The following RPS6KA1 variants were observed in gnomAD, a reference collection of about 807,000 sequenced individuals.
RPS6KA1 encodes ribosomal protein S6 kinase alpha-1.
In RPS6KA1, 48 loss-of-function variants were observed where a neutral mutation model predicts 91.3. The observed-to-expected ratio is 0.53, with a 90% CI of 0.42 to 0.67. RPS6KA1 has a LOEUF of 0.67. RPS6KA1 is among the 30% of genes least tolerant of loss of function. The probability of loss-of-function intolerance (pLI) is 0.00; values close to 1 mark genes in which losing one functional copy is unlikely to be tolerated. For synonymous variants in RPS6KA1, 359 were observed against 384.7 expected (o/e 0.93, Z 0.78); for missense variants, 719 against 960.5 (o/e 0.75, Z 3.32).
rs1366739976 is a variant in RPS6KA1 at position 26,551,505 on chromosome 1, C to T, written c.388+28C>T. The T allele has an allele frequency of 1.2e-6, 2 of 1,611,360 alleles. No homozygotes were observed. The highest frequency in any genetic ancestry group is 2.2e-5 in the South Asian group (2 of 91,012). On this transcript the variant is annotated intron_variant, in intron 5 of 21. Transcript: ENST00000374168. The surrounding 1 kb of genome is among the most constrained non-coding windows in gnomAD (Gnocchi z 4.5). ...AAAGCTTCTGGCCCTGCCTGAGCTC[C>T]TACCCCACCCATCCTTCGCCCTTGC...
chr1:26,565,774 C>G (rs2076195992), intron 17 of RPS6KA1, among the ~76,000 whole-genome samples: 1 of 152,092 alleles, frequency 6.6e-6, no homozygotes, highest in South Asian at 2.1e-4. Context: ...GTTGGCCAGG[C>G]TGGTCTCGAC....
chr1:26,560,866 C>G lies in RPS6KA1; in HGVS notation c.1341+15C>G. Reference sequence around the variant, plus strand: ...ATGCTGTCAAGGTGGGCCTCCTGACCACGTCTCGGCCAAGGCTGCTGGGTT... The same window carrying G: ...ATGCTGTCAAGGTGGGCCTCCTGACGACGTCTCGGCCAAGGCTGCTGGGTT... On this transcript the variant is annotated intron_variant, in intron 15 of 21. Coordinates refer to ENST00000374168, the MANE Select transcript of RPS6KA1 (RefSeq NM_002953.4). 6.2e-7 allele frequency: 1 copy of G among 1,614,090 alleles called. No individual in the cohort carries two copies. Among genetic ancestry groups the G allele is most frequent in the Non-Finnish European group, 8.5e-7 (1 of 1,180,012 alleles).
chr1:26,542,753 A>G (rs1486455529), intron 2 of RPS6KA1, among the ~76,000 whole-genome samples: 1 of 152,084 alleles, frequency 6.6e-6, no homozygotes, highest in African/African-American at 2.4e-5. Flanking sequence ...GAGGGGTGGG[A>G]CACAGTATCT....
chr1:26,571,529 CTT>C lies in RPS6KA1; in HGVS notation c.1673_1674del (p.Phe558TrpfsTer9). ...GNPECLRICD[F>X]GFAKQLRAEN... is the part of the protein sequence containing the mutation. ...ATCCCGAGTGCCTGCGCATCTGTGACTTTGGTTTTGCCAAACAGCTGCGGGCT... is the reference window on the plus strand; with the variant it reads ...ATCCCGAGTGCCTGCGCATCTGTGACTGGTTTTGCCAAACAGCTGCGGGCT... On this transcript the variant is annotated frameshift_variant, in exon 18 of 22. Transcript: ENST00000374168. LOFTEE classifies it high-confidence loss of function. The surrounding 1 kb of genome is among the most constrained non-coding windows in gnomAD (Gnocchi z 5.1). 1 of 1,614,270 alleles carries C rather than the reference CTT, an allele frequency of 6.2e-7. No homozygotes were observed. The highest frequency in any genetic ancestry group is 8.5e-7 in the Non-Finnish European group (1 of 1,180,052).
At chr1:26,536,798 C>A in intron 1 of RPS6KA1, 127 bp from the exon 2 acceptor site, 2 of 1,036,398 alleles carry the variant, frequency 1.9e-6, no homozygotes, top group Non-Finnish European at 3.0e-6. Context: ...CCACCCAGGA[C>A]TCCTGCCCTA....
chr1:26,534,881 T>G (rs1172011118), intron 1 of RPS6KA1, among the ~76,000 whole-genome samples: 1 of 152,190 alleles, frequency 6.6e-6, no homozygotes, highest in Non-Finnish European at 1.5e-5. Context: ...GAGCTGGGAC[T>G]TGATTCTACA....
chr1:26,564,961 G>A (rs1328174544), intron 17 of RPS6KA1, among the ~76,000 whole-genome samples: 1 of 152,220 alleles, frequency 6.6e-6, no homozygotes, highest in African/African-American at 2.4e-5. Context: ...TGGGTCACCT[G>A]AAGCTAAAAG....
chr1:26,565,528 G>A (rs776260220), intron 17 of RPS6KA1, among the ~76,000 whole-genome samples: 7 of 140,546 alleles, frequency 5.0e-5, no homozygotes, highest in Non-Finnish European at 4.6e-5. Flanking sequence ...TATTTTGCCC[G>A]TTTTTGAATT....
At chr1:26,556,813 C>G (rs2076105935) in intron 12 of RPS6KA1, 95 bp downstream of exon 12, 4 of 1,462,938 alleles carry the variant, frequency 2.7e-6, no homozygotes, top group Non-Finnish European at 3.8e-6. Flanking sequence ...CAGCGAGGGC[C>G]CCAGACGCAG....
intron 17 of RPS6KA1, among the ~76,000 whole-genome samples, chr1:26,563,182 AAT>A (rs1175856466): frequency 6.6e-6 from 1 of 151,424 alleles, no homozygotes; most frequent in Non-Finnish European, 1.5e-5. Context: ...GGTTTATTGA[AAT>A]TAGAATACCT....
intron 13 of RPS6KA1, among the ~76,000 whole-genome samples, chr1:26,557,861 C>T (rs963608978): frequency 2.8e-5 from 4 of 144,716 alleles, no homozygotes; most frequent in Admixed American, 2.1e-4. Flanking sequence ...TGGAGTCTCG[C>T]TCTGTTGCCC....
intron 2 of RPS6KA1, among the ~76,000 whole-genome samples, chr1:26,539,537 A>T (rs2075931077): frequency 6.6e-6 from 1 of 152,252 alleles, no homozygotes; most frequent in Non-Finnish European, 1.5e-5. Context: ...GAAAAATGAA[A>T]GGAGAATAAA....
At chr1:26,569,959 G>GT (rs1005269431) in intron 17 of RPS6KA1, among the ~76,000 whole-genome samples, 7 of 152,152 alleles carry the variant, frequency 4.6e-5, no homozygotes, top group African/African-American at 1.7e-4. Flanking sequence ...GCCTTTGAAG[G>GT]TTTTTTGACA....
intron 17 of RPS6KA1, among the ~76,000 whole-genome samples, chr1:26,564,171 T>C (rs2076178526): frequency 6.6e-6 from 1 of 152,198 alleles, no homozygotes; most frequent in South Asian, 2.1e-4. Context: ...ATCCAATCTA[T>C]GGAGGTACAC....
chr1:26,571,723 C>A lies in RPS6KA1; in HGVS notation c.1752+113C>A. On this transcript the variant is annotated intron_variant, in intron 18 of 21. Transcript: ENST00000374168. This position sits in a 1 kb window ranked among gnomAD's most constrained non-coding sequence, Gnocchi z 5.1. ...TCCAGTCTCTGTGACCTTGGCCCAG[C>A]TGGCAAGGGAAGATCTAGCCTGTGC... 1 of 1,489,224 alleles carries A rather than the reference C, an allele frequency of 6.7e-7. No homozygotes were observed. The highest frequency in any genetic ancestry group is 9.1e-7 in the Non-Finnish European group (1 of 1,098,780). 92.3% of individuals were successfully genotyped at this position (1,489,224 alleles called of 1,614,324 possible).
chr1:26,533,975 G>A (rs932226040), intron 1 of RPS6KA1, among the ~76,000 whole-genome samples: 4 of 152,078 alleles, frequency 2.6e-5, no homozygotes, highest in Non-Finnish European at 4.4e-5. Flanking sequence ...CAGGTTTGGC[G>A]TTCCATAAGA....
At chr1:26,570,048 T>A (rs1351591257) in intron 17 of RPS6KA1, among the ~76,000 whole-genome samples, 2 of 152,200 alleles carry the variant, frequency 1.3e-5, no homozygotes, top group Non-Finnish European at 2.9e-5. Flanking sequence ...TGGGATGTGT[T>A]GAGTTTGAGG....
intron 4 of RPS6KA1, among the ~76,000 whole-genome samples, chr1:26,549,004 G>A (rs1344085499): frequency 1.3e-5 from 2 of 151,226 alleles, no homozygotes; most frequent in African/African-American, 2.4e-5. Context: ...ATTGTGTCCT[G>A]AACAAGACTC....
Position 26,554,025 on chromosome 1 carries a change from G to A in RPS6KA1, c.576-189G>A. ...TACTTGCCTCACACAGTTGCTTCAA[G>A]GATTAGCAAAAAAGATAGGCAACAC... On this transcript the variant is annotated intron_variant, in intron 7 of 21. Transcript: ENST00000374168. This position sits in a 1 kb window ranked among gnomAD's most constrained non-coding sequence, Gnocchi z 4.6. The A allele has an allele frequency of 1.7e-6, 1 of 571,978 alleles. No homozygotes were observed. Among genetic ancestry groups the A allele is most frequent in the Non-Finnish European group, 3.1e-6 (1 of 321,922 alleles). 35.4% of individuals were successfully genotyped at this position (571,978 alleles called of 1,614,324 possible).
Sources: allele counts gnomAD v4.1 joint callset (sites outside exome capture counted in the v4.1 genomes callset), GRCh38; gene constraint gnomAD v4.1.1; non-coding constraint Gnocchi (gnomAD v3.1); transcripts MANE v1.5; gene names NCBI Gene and HGNC (gene_info 2026-07-23, HGNC 2026-07-21).